The following TACC1 variants were observed in gnomAD, a reference collection of about 807,000 sequenced individuals.
TACC1 encodes transforming acidic coiled-coil-containing protein 1.
TACC1 carries 48 observed loss-of-function variants against 84.4 expected under a neutral mutation model. The observed-to-expected ratio is 0.57, with a 90% confidence interval of 0.45 to 0.72. The LOEUF (loss-of-function observed/expected upper bound fraction) is 0.72, where lower values mean the gene tolerates loss of function less well. Ranked by LOEUF, TACC1 falls within the 30% of genes least tolerant of loss-of-function variation. The pLI, the probability that TACC1 is intolerant of heterozygous loss-of-function variation, is 0.00. For missense variants in TACC1, 920 were observed against 973.0 expected (o/e 0.95, Z 0.72); for synonymous variants, 372 against 376.3 (o/e 0.99, Z 0.13).
upstream of TACC1, among the ~76,000 whole-genome samples, chr8:38,782,916 C>G (rs1816315389): frequency 6.6e-6 from 1 of 152,030 alleles, no homozygotes; most frequent in Non-Finnish European, 1.5e-5. Context: ...CTTTTGCACT[C>G]AACAACTGCT....
chr8:38,826,181 T>C (rs1205287834), intron 4 of TACC1, among the ~76,000 whole-genome samples: 5 of 152,148 alleles, frequency 3.3e-5, no homozygotes, highest in African/African-American at 9.6e-5. Flanking sequence ...TGGTATATGG[T>C]GTAAGATGTA....
intron 3 of TACC1, chr8:38,757,211 C>CG: frequency 3.9e-6 from 1 of 257,310 alleles, no homozygotes; most frequent in Non-Finnish European, 7.8e-6. Context: ...GGCCGGGCGC[C>CG]CCACCCCGCC....
chr8:38,797,787 G>A (rs1820330110), intron 2 of TACC1, among the ~76,000 whole-genome samples: 1 of 152,250 alleles, frequency 6.6e-6, no homozygotes, highest in African/African-American at 2.4e-5. Flanking sequence ...CTGCACAGGA[G>A]CCCCATCTGT....
At chr8:38,767,049 C>G (rs112310505) in intron 3 of TACC1, among the ~76,000 whole-genome samples, 1 of 140,800 alleles carries the variant, frequency 7.1e-6, no homozygotes, top group Non-Finnish European at 1.6e-5. Flanking sequence ...TACACAGAGC[C>G]GACAGAAGAC....
intron 3 of TACC1, among the ~76,000 whole-genome samples, chr8:38,756,061 C>CG (rs1647571305): frequency 6.6e-6 from 1 of 151,762 alleles, no homozygotes; most frequent in African/African-American, 2.4e-5. Context: ...GTAATCCACC[C>CG]CCTAGGCCTC....
chr8:38,846,689 C>T lies in TACC1; in HGVS notation c.2229-10C>T. 6.2e-7 allele frequency: 1 copy of T among 1,614,002 alleles called. No individual in the cohort carries two copies. The highest frequency in any genetic ancestry group is 1.3e-5 in the African/African-American group (1 of 74,996). ...TTTGTCTCTTTATTACACCCAAACA[C>T]CATAAACAGAGCCAATGAAGAGATT... On this transcript the variant is annotated splice_polypyrimidine_tract_variant and intron_variant, in intron 11 of 12. Coordinates refer to ENST00000317827, the MANE Select transcript of TACC1 (RefSeq NM_006283.3).
chr8:38,731,660 C>T (rs903553239), intron 1 of TACC1, among the ~76,000 whole-genome samples: 5 of 152,038 alleles, frequency 3.3e-5, no homozygotes, highest in African/African-American at 4.8e-5. Flanking sequence ...TGCTTGGACC[C>T]CAGCTAGGAA....
At chr8:38,835,628 G>C (rs576837844) in intron 6 of TACC1, among the ~76,000 whole-genome samples, 2 of 152,394 alleles carry the variant, frequency 1.3e-5, no homozygotes, top group South Asian at 4.1e-4. Flanking sequence ...GGGTGAAAGG[G>C]TGGGGGTGAG....
At chr8:38,811,956 A>G (rs1194855848) in intron 2 of TACC1, among the ~76,000 whole-genome samples, 1 of 152,088 alleles carries the variant, frequency 6.6e-6, no homozygotes, top group Non-Finnish European at 1.5e-5. Context: ...TACCCTGGGG[A>G]AAGAATGCAT....
intron 3 of TACC1, among the ~76,000 whole-genome samples, chr8:38,772,775 GTGT>G (rs1813903624): frequency 6.6e-6 from 1 of 151,734 alleles, no homozygotes; most frequent in Non-Finnish European, 1.5e-5. Context: ...ATATATTAAC[GTGT>G]TGATTTAAAT....
chr8:38,827,670 G>GC, intron 5 of TACC1: 2 of 387,450 alleles, frequency 5.2e-6, no homozygotes, highest in South Asian at 2.8e-5. Context: ...AAGTATAGTG[G>GC]TGTGTTAGTT....
chr8:38,819,315 C>T (rs1342105048), intron 2 of TACC1, among the ~76,000 whole-genome samples: 2 of 152,184 alleles, frequency 1.3e-5, no homozygotes, highest in Non-Finnish European at 2.9e-5. Flanking sequence ...AATGCACATA[C>T]ACAACTTGGG....
chr8:38,835,275 C>T (rs1351682057), intron 6 of TACC1, among the ~76,000 whole-genome samples: 1 of 151,472 alleles, frequency 6.6e-6, no homozygotes, highest in East Asian at 1.9e-4. Context: ...AAAAAGTTTA[C>T]TTCCGTAGGT....
intron 1 of TACC1, among the ~76,000 whole-genome samples, chr8:38,738,889 G>A (rs757273605): frequency 3.3e-5 from 5 of 152,100 alleles, no homozygotes; most frequent in Non-Finnish European, 7.4e-5. Context: ...ATATGTGTGT[G>A]TGCTGACTTC....
intron 5 of TACC1, 108 bp downstream of exon 5, chr8:38,827,483 A>C: frequency 1.7e-6 from 2 of 1,169,352 alleles, no homozygotes; most frequent in Middle Eastern, 2.0e-4. Flanking sequence ...GGTCACTTGA[A>C]GGATAGATTT....
chr8:38,831,550 C>T (rs967861902), intron 6 of TACC1, among the ~76,000 whole-genome samples: 2 of 152,158 alleles, frequency 1.3e-5, no homozygotes, highest in Admixed American at 6.5e-5. Context: ...GGCTGGAGTA[C>T]AGTGGTGCAA....
intron 3 of TACC1, among the ~76,000 whole-genome samples, chr8:38,776,217 C>T (rs982768563): frequency 7.9e-5 from 12 of 152,186 alleles, no homozygotes; most frequent in Admixed American, 5.9e-4. Context: ...CCTTCTTCAA[C>T]GTTTTTGTCC....
At chr8:38,757,646 G>A (rs531497510) in intron 3 of TACC1, among the ~76,000 whole-genome samples, 66 of 152,162 alleles carry the variant, frequency 4.3e-4, no homozygotes, top group Non-Finnish European at 6.8e-4. Context: ...GGGCGTGACC[G>A]TGGTCCTGCC....
At chr8:38,740,291 T>G (rs755253059) in intron 1 of TACC1, among the ~76,000 whole-genome samples, 99 of 152,186 alleles carry the variant, frequency 6.5e-4, no homozygotes, top group Non-Finnish European at 4.0e-4. Context: ...ATTCCACACA[T>G]TCAGCCCACT....
Sources: gnomAD v4.1 joint callset for allele counts (sites outside exome capture counted in the v4.1 genomes callset) on GRCh38, gnomAD v4.1.1 for gene constraint, MANE v1.5 for transcripts, NCBI Gene and HGNC (gene_info 2026-07-23, HGNC 2026-07-21) for gene names.